Variants in VAV2 observed in about 807,000 individuals in gnomAD.
VAV2 encodes the protein vav guanine nucleotide exchange factor 2.
In VAV2, 67 loss-of-function variants were observed where a neutral mutation model predicts 132.5. That is an observed-to-expected ratio of 0.51 (90% CI 0.42 to 0.62). VAV2 has a LOEUF of 0.62. Ranked by LOEUF, VAV2 falls within the 20% of genes least tolerant of loss-of-function variation. VAV2 has a pLI of 0.00. For missense variants in VAV2, 938 were observed against 1,153.6 expected (o/e 0.81, Z 2.71); for synonymous variants, 492 against 443.5 (o/e 1.11, Z -1.37).
chr9:133,804,989 G>C lies in VAV2; in HGVS notation c.836+1092C>G, dbSNP rs370846242. On this transcript the variant is annotated intron_variant, in intron 9 of 29. Coordinates refer to ENST00000371850, the MANE Select transcript of VAV2 (RefSeq NM_001134398.2). The surrounding 1 kb of genome is among the most constrained non-coding windows in gnomAD (Gnocchi z 4.5). ...TCCAGGACCCTCCTCACAGGGAAGG[G>C]GGGAGCGCCTTTCCTGAAGCTACAG... 6.6e-6 allele frequency among the ~76,000 whole-genome samples: 1 copy of C among 152,180 alleles called. No homozygotes were observed. Among genetic ancestry groups the C allele is most frequent in the African/African-American group, 2.4e-5 (1 of 41,438 alleles).
rs369117685 is a variant in VAV2 at position 133,939,085 on chromosome 9, G to A, written c.321+18C>T. 22 of 1,611,262 alleles carry A rather than the reference G, an allele frequency of 1.4e-5. No individual in the cohort carries two copies. The highest frequency in any genetic ancestry group is 5.3e-5 in the African/African-American group (4 of 75,012). ...CACCACAGCTGAGCGACCGAGGCTG[G>A]AGAGAGTGACTGCTCACCTTTCCAA... On this transcript the variant is annotated intron_variant, in intron 2 of 29. Transcript: ENST00000371850.
At chr9:133,801,461 C>T (rs544533557) in intron 9 of VAV2, among the ~76,000 whole-genome samples, 4 of 152,322 alleles carry the variant, frequency 2.6e-5, no homozygotes, top group South Asian at 4.1e-4. Flanking sequence ...CCCAGGGTGA[C>T]GCCTCTGCAG....
rs1206428474 is a variant in VAV2, at chr9:133,794,539, C to T, written c.1101+1129G>A. On this transcript the variant is annotated intron_variant, in intron 12 of 29. Transcript: ENST00000371850. The surrounding 1 kb of genome is among the most constrained non-coding windows in gnomAD (Gnocchi z 4.6). ...TATAGACAGAGACAGATTACAGCCC[C>T]TCCCCCACCCAGAGGGAGCTCCTTA... Among the ~76,000 whole-genome samples the T allele has an allele frequency of 6.6e-6, 1 of 152,238 alleles. No individual in the cohort carries two copies. Among genetic ancestry groups the T allele is most frequent in the African/African-American group, 2.4e-5 (1 of 41,472 alleles).
In VAV2 at chr9:133,806,186, G is replaced by A; in HGVS notation, c.736-5C>T. On this transcript the variant is annotated splice_region_variant and splice_polypyrimidine_tract_variant and intron_variant, in intron 8 of 29. Coordinates refer to ENST00000371850, the MANE Select transcript of VAV2 (RefSeq NM_001134398.2). The stretch of plus-strand genomic sequence containing the variant: ...GTGATGCACCTTGATCAGGTCCTGG[G>A]TTGAAAACCAGCCGTGAGTGCCTGG... 3 of 1,610,380 alleles carry A rather than the reference G, an allele frequency of 1.9e-6. No homozygotes were observed. Among genetic ancestry groups the A allele is most frequent in the Non-Finnish European group, 2.5e-6 (3 of 1,179,058 alleles).
rs1835060794 is a variant in VAV2 at position 133,804,540 on chromosome 9, C to T, written c.836+1541G>A. Among the ~76,000 whole-genome samples, 1 of 152,238 alleles carries T rather than the reference C, an allele frequency of 6.6e-6. No individual in the cohort carries two copies. The highest frequency in any genetic ancestry group is 1.5e-5 in the Non-Finnish European group (1 of 68,042). ...CTCCTGGGAGAGGACAGGTTATCCA[C>T]CCTGTCACTCTACCACACAGCCAGC... On this transcript the variant is annotated intron_variant, in intron 9 of 29. Coordinates refer to ENST00000371850, the MANE Select transcript of VAV2 (RefSeq NM_001134398.2). The surrounding 1 kb of genome is among the most constrained non-coding windows in gnomAD (Gnocchi z 4.5).
chr9:133,785,682 G>T, intron 17 of VAV2, 94 bp downstream of exon 17: 1 of 1,258,622 alleles, frequency 7.9e-7, no homozygotes, highest in Non-Finnish European at 1.1e-6. Context: ...ACCGCCCCTG[G>T]TCTGAGAGGA....
At chr9:133,916,833 T>C (rs1376354403) in intron 2 of VAV2, among the ~76,000 whole-genome samples, 2 of 152,154 alleles carry the variant, frequency 1.3e-5, no homozygotes, top group Admixed American at 1.3e-4. Flanking sequence ...TGAAGGAAGA[T>C]GCTGGCATGG....
chr9:133,910,596 G>C (rs1016557545), intron 2 of VAV2, among the ~76,000 whole-genome samples: 2 of 150,942 alleles, frequency 1.3e-5, no homozygotes, highest in Admixed American at 6.6e-5. Flanking sequence ...GGATCACGAG[G>C]TCAGGAGATC....
At chr9:133,772,123 CTG>C (rs1833652198) in intron 25 of VAV2, 77 bp from the exon 26 acceptor site, 1 of 592,518 alleles carries the variant, frequency 1.7e-6, no homozygotes, top group South Asian at 2.7e-5. Flanking sequence ...CAGGCTCATT[CTG>C]TGTTTGCTGC....
intron 3 of VAV2, among the ~76,000 whole-genome samples, chr9:133,852,842 G>T (rs1837238334): frequency 1.3e-5 from 2 of 152,096 alleles, no homozygotes; most frequent in African/African-American, 2.4e-5. Flanking sequence ...TAGGGGTGCA[G>T]GGTGGGGGCA....
intron 25 of VAV2, 92 bp from the exon 26 acceptor site, chr9:133,772,138 C>A: frequency 1.4e-6 from 1 of 696,572 alleles, no homozygotes; most frequent in African/African-American, 2.3e-5. Flanking sequence ...TTTGCTGCAG[C>A]AAAGCCCCTC....
Position 133,785,852 on chromosome 9 carries a change from C to T in VAV2, c.1456G>A (p.Gly486Arg), listed in dbSNP as rs776987604. The T allele has an allele frequency of 1.2e-6, 2 of 1,613,942 alleles. No individual in the cohort carries two copies. Among genetic ancestry groups the T allele is most frequent in the Non-Finnish European group, 1.7e-6 (2 of 1,179,960 alleles). Residue 486 changes from glycine (G) to arginine (R), a missense_variant, in exon 17 of 30, where the codon GGA becomes AGA. Gly to Arg is a moderately radical substitution (Grantham distance 125). Coordinates refer to ENST00000371850, the MANE Select transcript of VAV2 (RefSeq NM_001134398.2). ...SYGFYLIHLQ[G>R]KQGFQFFCKT... ...CAGAAAAACTGGAAGCCCTGCTTTC[C>T]TTGAAGGTGAATTAGGTAGAAGCCG...
chr9:133,829,873 C>A (rs1043251880), intron 4 of VAV2, among the ~76,000 whole-genome samples: 1 of 152,140 alleles, frequency 6.6e-6, no homozygotes, highest in Non-Finnish European at 1.5e-5. Context: ...ACCACACTGC[C>A]CTGAAACTGT....
chr9:133,906,781 G>A (rs1441674273), intron 2 of VAV2, among the ~76,000 whole-genome samples: 2 of 152,208 alleles, frequency 1.3e-5, no homozygotes, highest in African/African-American at 4.8e-5. Flanking sequence ...GGGCAGCGGG[G>A]TCCCTGCGGA....
chr9:133,877,444 G>A (rs1486814248), intron 2 of VAV2, among the ~76,000 whole-genome samples: 1 of 152,154 alleles, frequency 6.6e-6, no homozygotes, highest in Non-Finnish European at 1.5e-5. Context: ...TGTTCTGGGT[G>A]ACACGTTCGG....
Position 133,885,389 on chromosome 9 carries a change from A to C in VAV2, c.322-23957T>G, listed in dbSNP as rs1838662521. 6.6e-6 allele frequency among the ~76,000 whole-genome samples: 1 copy of C among 152,180 alleles called. No homozygotes were observed. The highest frequency in any genetic ancestry group is 1.5e-5 in the Non-Finnish European group (1 of 68,028). On this transcript the variant is annotated intron_variant, in intron 2 of 29. Transcript: ENST00000371850. The surrounding 1 kb of genome is among the most constrained non-coding windows in gnomAD (Gnocchi z 5.0). ...GCATCCCTGTCACATCGATGAGCAA[A>C]CATGGCCCAGCGATTTGTGTTTCTC...
intron 2 of VAV2, among the ~76,000 whole-genome samples, chr9:133,874,822 C>G (rs1304606284): frequency 6.6e-6 from 1 of 152,202 alleles, no homozygotes; most frequent in Non-Finnish European, 1.5e-5. Context: ...CCATCTCCCT[C>G]CCCAGCCCAC....
chr9:133,783,942 G>A (rs1834116843), intron 18 of VAV2, among the ~76,000 whole-genome samples: 1 of 143,926 alleles, frequency 6.9e-6, no homozygotes, highest in Non-Finnish European at 1.5e-5. Flanking sequence ...GTGCAGTGGC[G>A]ACATCACAGC....
At chr9:133,958,149 G>A (rs1192385350) in intron 1 of VAV2, among the ~76,000 whole-genome samples, 5 of 139,576 alleles carry the variant, frequency 3.6e-5, no homozygotes, top group East Asian at 2.1e-4. Context: ...ATATGGCCTC[G>A]TGGGAAGGGA....
Sources: gnomAD v4.1 joint callset for allele counts (sites outside exome capture counted in the v4.1 genomes callset) on GRCh38, gnomAD v4.1.1 for gene constraint, Gnocchi (gnomAD v3.1) non-coding constraint, MANE v1.5 for transcripts, NCBI Gene and HGNC (gene_info 2026-07-23, HGNC 2026-07-21) for gene names.